Variants in PPP2R2C observed in about 807,000 individuals in gnomAD.
PPP2R2C encodes protein phosphatase 2, regulatory subunit B, gamma.
A neutral mutation model predicts 45.3 loss-of-function variants in PPP2R2C; 10 were observed. That is an observed-to-expected ratio of 0.22 (90% CI 0.14 to 0.37). PPP2R2C has a LOEUF of 0.37. Ranked by LOEUF, PPP2R2C falls within the 10% of genes least tolerant of loss-of-function variation. The pLI is 1.00. For missense variants in PPP2R2C, 308 were observed against 619.7 expected (o/e 0.50, Z 5.34); for synonymous variants, 257 against 245.4 (o/e 1.05, Z -0.44).
At chr4:6,536,394 G>C (rs1724615533) in intron 1 of PPP2R2C, among the ~76,000 whole-genome samples, 1 of 152,112 alleles carries the variant, frequency 6.6e-6, no homozygotes, top group African/African-American at 2.4e-5. Context: ...AGTGAGAAAA[G>C]GAGACTCACC....
intron 1 of PPP2R2C, among the ~76,000 whole-genome samples, chr4:6,561,630 C>A (rs1020274617): frequency 6.6e-6 from 1 of 151,936 alleles, no homozygotes; most frequent in Admixed American, 6.5e-5. Flanking sequence ...CACAAACACA[C>A]ACACAGACAC....
intron 1 of PPP2R2C, among the ~76,000 whole-genome samples, chr4:6,403,533 G>T (rs1178923349): frequency 6.6e-6 from 1 of 152,190 alleles, no homozygotes; most frequent in African/African-American, 2.4e-5. Context: ...CCTCCCCTGG[G>T]AGCACGCTGG....
At chr4:6,344,707 G>A (rs1354345839) in intron 6 of PPP2R2C, among the ~76,000 whole-genome samples, 2 of 152,026 alleles carry the variant, frequency 1.3e-5, no homozygotes, top group Non-Finnish European at 2.9e-5. Flanking sequence ...CACCACTCAG[G>A]GACAACTTAG....
At chr4:6,347,793 A>ACCCCC in intron 6 of PPP2R2C, 53 bp downstream of exon 6, 1 of 535,902 alleles carries the variant, frequency 1.9e-6, no homozygotes. Flanking sequence ...AGGACATCCC[A>ACCCCC]CCCGCCCGCC....
chr4:6,484,427 C>G (rs555496979), intron 2 of PPP2R2C, among the ~76,000 whole-genome samples: 2 of 151,880 alleles, frequency 1.3e-5, no homozygotes, highest in African/African-American at 4.8e-5. Context: ...AGTCCTCCAA[C>G]TTCGTTCTTC....
chr4:6,425,324 G>A (rs1219955943), intron 1 of PPP2R2C, among the ~76,000 whole-genome samples: 1 of 152,212 alleles, frequency 6.6e-6, no homozygotes, highest in Non-Finnish European at 1.5e-5. Context: ...GCCAAGCCTG[G>A]CTGTGCACCT....
intron 1 of PPP2R2C, among the ~76,000 whole-genome samples, chr4:6,422,932 C>T (rs1719069004): frequency 6.6e-6 from 1 of 152,180 alleles, no homozygotes; most frequent in Non-Finnish European, 1.5e-5. Flanking sequence ...CTTGACAGAG[C>T]ACCTGCCAAG....
intron 2 of PPP2R2C, among the ~76,000 whole-genome samples, chr4:6,504,963 G>GA (rs1363744736): frequency 1.3e-5 from 2 of 151,930 alleles, no homozygotes; most frequent in South Asian, 2.1e-4. Flanking sequence ...CTCAAGCAGG[G>GA]AAAAAAACAC....
At chr4:6,520,617 G>A (rs1308826443) in intron 2 of PPP2R2C, among the ~76,000 whole-genome samples, 2 of 152,224 alleles carry the variant, frequency 1.3e-5, no homozygotes, top group Admixed American at 6.5e-5. Context: ...GGGGTGTATG[G>A]CATGAGCTTC....
intron 2 of PPP2R2C, among the ~76,000 whole-genome samples, chr4:6,526,200 A>G (rs1724204589): frequency 6.6e-6 from 1 of 152,244 alleles, no homozygotes; most frequent in South Asian, 2.1e-4. Flanking sequence ...ACAAATGCAC[A>G]CACGTCTCCG....
chr4:6,470,016 C>A (rs1167436813), intron 1 of PPP2R2C, among the ~76,000 whole-genome samples: 2 of 152,228 alleles, frequency 1.3e-5, no homozygotes, highest in Non-Finnish European at 2.9e-5. Context: ...GGTCCCAGCA[C>A]ACAGCAGGTG....
rs913064697 is a variant in PPP2R2C at position 6,364,377 on chromosome 4, G to C, written c.625+8146C>G. Among the ~76,000 whole-genome samples the C allele has an allele frequency of 6.6e-6, 1 of 152,252 alleles. No homozygotes were observed. The highest frequency in any genetic ancestry group is 1.5e-5 in the Non-Finnish European group (1 of 68,048). Reference sequence around the variant, plus strand: ...GAGGAAGTGGGCCAGGGAGGGGCCAGGGCCAGCTCCTGCAGGGCCTTGGAG... The same window carrying C: ...GAGGAAGTGGGCCAGGGAGGGGCCACGGCCAGCTCCTGCAGGGCCTTGGAG... On this transcript the variant is annotated intron_variant, in intron 5 of 8. Coordinates refer to ENST00000382599, the MANE Select transcript of PPP2R2C (RefSeq NM_020416.4). This position sits in a 1 kb window ranked among gnomAD's most constrained non-coding sequence, Gnocchi z 5.3.
intron 1 of PPP2R2C, among the ~76,000 whole-genome samples, chr4:6,403,912 T>A (rs1027694961): frequency 6.7e-6 from 1 of 150,180 alleles, no homozygotes; most frequent in Admixed American, 6.6e-5. Context: ...CTGACAGGGA[T>A]ACACTGTGCC....
intron 1 of PPP2R2C, among the ~76,000 whole-genome samples, chr4:6,543,613 C>T (rs1724878101): frequency 6.6e-6 from 1 of 152,162 alleles, no homozygotes; most frequent in Non-Finnish European, 1.5e-5. Flanking sequence ...AGCAGGACAG[C>T]TGGCCAAGGG....
At chr4:6,360,610 C>T (rs532803743) in intron 5 of PPP2R2C, among the ~76,000 whole-genome samples, 11 of 152,194 alleles carry the variant, frequency 7.2e-5, no homozygotes, top group Non-Finnish European at 1.6e-4. Context: ...ACGCCGGATG[C>T]GGAGGTGCCC....
intron 1 of PPP2R2C, among the ~76,000 whole-genome samples, chr4:6,419,321 G>T (rs570045823): frequency 6.6e-6 from 1 of 152,250 alleles, no homozygotes; most frequent in African/African-American, 2.4e-5. Context: ...AGCTACTCGG[G>T]AGGCTAAGGC....
At chr4:6,493,066 T>C (rs1266236403) in intron 2 of PPP2R2C, among the ~76,000 whole-genome samples, 1 of 152,022 alleles carries the variant, frequency 6.6e-6, no homozygotes, top group Non-Finnish European at 1.5e-5. Flanking sequence ...CATCTGCTAT[T>C]TCCTCCCCTG....
intron 2 of PPP2R2C, among the ~76,000 whole-genome samples, chr4:6,519,458 C>T (rs1025962011): frequency 1.3e-5 from 2 of 152,208 alleles, no homozygotes; most frequent in African/African-American, 4.8e-5. Context: ...CCATGCCTAG[C>T]TCCCCAGCCC....
chr4:6,350,126 C>T, intron 5 of PPP2R2C: 1 of 985,408 alleles, frequency 1.0e-6, no homozygotes, highest in Non-Finnish European at 1.2e-6. Context: ...TCCCAGGAAA[C>T]TACAGTTTTC....
Sources: allele counts gnomAD v4.1 joint callset (sites outside exome capture counted in the v4.1 genomes callset), GRCh38; gene constraint gnomAD v4.1.1; non-coding constraint Gnocchi (gnomAD v3.1); transcripts MANE v1.5; gene names NCBI Gene and HGNC (gene_info 2026-07-23, HGNC 2026-07-21).